The following CSGALNACT1 variants were observed in gnomAD, a reference collection of about 807,000 sequenced individuals.
CSGALNACT1 encodes the protein chondroitin sulfate N-acetylgalactosaminyltransferase 1.
Under a neutral mutation model 51.0 loss-of-function variants are expected in CSGALNACT1, and 52 were observed. That is an observed-to-expected ratio of 1.02 (90% CI 0.82 to 1.29). The LOEUF (loss-of-function observed/expected upper bound fraction) is 1.29, where lower values mean the gene tolerates loss of function less well. Ranked by LOEUF, CSGALNACT1 falls within the 50% of genes most tolerant of loss-of-function variation. The pLI, the probability that CSGALNACT1 is intolerant of heterozygous loss-of-function variation, is 0.00. For synonymous variants in CSGALNACT1, 341 were observed against 254.4 expected, an observed-to-expected ratio of 1.34 and a Z score of -3.24; for missense variants, 935 against 679.2, an observed-to-expected ratio of 1.38 and a Z score of -4.19.
intron 4 of CSGALNACT1, among the ~76,000 whole-genome samples, chr8:19,470,925 G>A (rs1283447846): frequency 5.9e-5 from 9 of 152,000 alleles, no homozygotes; most frequent in Non-Finnish European, 1.3e-4. Flanking sequence ...GTGAAACCCC[G>A]TTTCTACTAA....
chr8:19,751,239 C>T (rs1471404720), intron 1 of CSGALNACT1, among the ~76,000 whole-genome samples: 2 of 152,150 alleles, frequency 1.3e-5, no homozygotes, highest in Non-Finnish European at 2.9e-5. Flanking sequence ...ACTAGCTGAC[C>T]TTGACTTGCT....
chr8:19,665,522 A>C (rs61450090), intron 1 of CSGALNACT1, among the ~76,000 whole-genome samples: 19,845 of 152,194 alleles, frequency 0.13, 1,620 homozygotes, highest in East Asian at 0.37. Context: ...CTCTTTATTC[A>C]CAGCCTGTGT....
At chr8:19,698,340 A>T (rs2061684458) in intron 1 of CSGALNACT1, among the ~76,000 whole-genome samples, 1 of 152,266 alleles carries the variant, frequency 6.6e-6, no homozygotes, top group South Asian at 2.1e-4. Context: ...AGCTGTGAAC[A>T]TTGAGAATAT....
intron 4 of CSGALNACT1, among the ~76,000 whole-genome samples, chr8:19,499,874 G>C (rs2076122022): frequency 6.6e-6 from 1 of 152,178 alleles, no homozygotes; most frequent in Non-Finnish European, 1.5e-5. Flanking sequence ...GATCCTGATG[G>C]AGTGCCTGGG....
At chr8:19,490,857 G>C (rs1587097158) in intron 4 of CSGALNACT1, among the ~76,000 whole-genome samples, 1 of 152,142 alleles carries the variant, frequency 6.6e-6, no homozygotes, top group African/African-American at 2.4e-5. Context: ...GGATTCTCCA[G>C]GTGATTCCCA....
chr8:19,730,079 C>T (rs939372125), intron 1 of CSGALNACT1, among the ~76,000 whole-genome samples: 2 of 152,160 alleles, frequency 1.3e-5, no homozygotes, highest in Admixed American at 6.5e-5. Context: ...TTACTGATAG[C>T]GCCCATGCAA....
chr8:19,722,545 C>CATG (rs1415270618), intron 1 of CSGALNACT1, among the ~76,000 whole-genome samples: 6 of 152,152 alleles, frequency 3.9e-5, no homozygotes, highest in African/African-American at 1.4e-4. Context: ...ACACCATTTG[C>CATG]ACATGGTCTC....
chr8:19,558,648 A>T (rs1400539226), intron 3 of CSGALNACT1, among the ~76,000 whole-genome samples: 2 of 152,160 alleles, frequency 1.3e-5, no homozygotes, highest in Admixed American at 6.5e-5. Context: ...AAAAGTAAAA[A>T]CTATTCTTAG....
intron 2 of CSGALNACT1, among the ~76,000 whole-genome samples, chr8:19,594,968 C>T (rs960987661): frequency 3.3e-5 from 5 of 152,184 alleles, no homozygotes; most frequent in East Asian, 1.9e-4. Flanking sequence ...TTAGAAAACA[C>T]ATTTGATGAT....
At chr8:19,526,653 T>C (rs1168474017) in intron 3 of CSGALNACT1, among the ~76,000 whole-genome samples, 1 of 152,008 alleles carries the variant, frequency 6.6e-6, no homozygotes, top group Non-Finnish European at 1.5e-5. Flanking sequence ...GATAAAGATA[T>C]TACTTAAAGG....
intron 3 of CSGALNACT1, among the ~76,000 whole-genome samples, chr8:19,527,894 T>G (rs1021138597): frequency 1.3e-5 from 2 of 151,810 alleles, no homozygotes; most frequent in African/African-American, 4.8e-5. Flanking sequence ...GCCAGAGAGG[T>G]AGATTCAGGG....
intron 2 of CSGALNACT1, among the ~76,000 whole-genome samples, chr8:19,596,612 A>G (rs953317215): frequency 1.3e-5 from 2 of 152,092 alleles, no homozygotes; most frequent in Admixed American, 6.6e-5. Flanking sequence ...AAAAGACAAC[A>G]AAGTCTAAAA....
upstream of CSGALNACT1, among the ~76,000 whole-genome samples, chr8:19,683,778 G>A (rs1043477253): frequency 6.6e-6 from 1 of 151,956 alleles, no homozygotes; most frequent in Non-Finnish European, 1.5e-5. Context: ...CTTTCATAGT[G>A]TAATAAATGT....
chr8:19,639,330 G>A (rs1305905668), intron 1 of CSGALNACT1, among the ~76,000 whole-genome samples: 1 of 152,158 alleles, frequency 6.6e-6, no homozygotes, highest in Non-Finnish European at 1.5e-5. Flanking sequence ...CATGGGGTCT[G>A]GGGGAAATAT....
intron 1 of CSGALNACT1, among the ~76,000 whole-genome samples, chr8:19,609,664 G>A (rs1316518972): frequency 6.6e-6 from 1 of 151,312 alleles, no homozygotes; most frequent in Non-Finnish European, 1.5e-5. Flanking sequence ...GTTGGGGGGT[G>A]AGAGGGGCAA....
chr8:19,458,339 G>T, intron 5 of CSGALNACT1, 87 bp downstream of exon 4: 3 of 1,093,370 alleles, frequency 2.7e-6, no homozygotes, highest in South Asian at 1.2e-5. Flanking sequence ...GTACTCGGCA[G>T]GGGAAATGAA....
chr8:19,603,442 C>T (rs1325173092), upstream of CSGALNACT1, among the ~76,000 whole-genome samples: 3 of 152,216 alleles, frequency 2.0e-5, no homozygotes, highest in African/African-American at 4.8e-5. Flanking sequence ...TACTGCGGTG[C>T]CTGCGCGGCT....
At chr8:19,511,128 C>G (rs1296049931) in intron 3 of CSGALNACT1, among the ~76,000 whole-genome samples, 1 of 152,224 alleles carries the variant, frequency 6.6e-6, no homozygotes, top group African/African-American at 2.4e-5. Context: ...GGCTTCATGG[C>G]AAGGCCAGGG....
rs561710389 is a variant in CSGALNACT1 at position 19,744,843 on chromosome 8, G to A, written c.-297+13007C>T. 2.0e-5 allele frequency among the ~76,000 whole-genome samples: 3 copies of A among 152,206 alleles called. No individual in the cohort carries two copies. In the East Asian group the frequency reaches 5.8e-4, roughly 29 times the overall value. ...TACACCTTTATCAAGAACCTTCTGT[G>A]TCTACACACTGTACTATACTTGCCA... On this transcript the variant is annotated intron_variant, in intron 1 of 1. Transcript: ENST00000517494.
Sources: allele counts gnomAD v4.1 joint callset (sites outside exome capture counted in the v4.1 genomes callset), GRCh38; gene constraint gnomAD v4.1.1; transcripts MANE v1.5; gene names NCBI Gene and HGNC (gene_info 2026-07-23, HGNC 2026-07-21).